Variants in DPEP2 observed in about 807,000 individuals in gnomAD.
DPEP2 encodes the protein dipeptidase 2.
Under a neutral mutation model 51.8 loss-of-function variants are expected in DPEP2, and 45 were observed. The observed-to-expected ratio is 0.87, with a 90% confidence interval of 0.68 to 1.11. DPEP2 has a LOEUF of 1.11. DPEP2 is among the 50% of genes most tolerant of loss of function. The pLI, the probability that DPEP2 is intolerant of heterozygous loss-of-function variation, is 0.00. For missense variants in DPEP2, 604 were observed against 631.9 expected, an observed-to-expected ratio of 0.96 and a Z score of 0.47; for synonymous variants, 255 against 262.7, an observed-to-expected ratio of 0.97 and a Z score of 0.28.
intron 8 of DPEP2, among the ~76,000 whole-genome samples, chr16:67,989,718 G>A (rs2031883306): frequency 6.6e-6 from 1 of 152,190 alleles, no homozygotes; most frequent in African/African-American, 2.4e-5. Flanking sequence ...GGGAGATGAC[G>A]GAGGGACAAA....
At chr16:67,992,785 A>G in intron 2 of DPEP2, 149 bp from the exon 3 acceptor site, 1 of 1,484,880 alleles carries the variant, frequency 6.7e-7, no homozygotes, top group South Asian at 1.3e-5. Context: ...AGGAGTGCCC[A>G]CCCAAGAGGG....
At position 67,992,448 on chromosome 16, in the gene DPEP2, C is replaced by T. The variant is rs1185509034; in HGVS notation, c.390+62G>A. The T allele has an allele frequency of 8.3e-6, 13 of 1,561,334 alleles. No homozygotes were observed. In the Admixed American group the frequency reaches 1.5e-4, roughly 18 times the overall value. ...GTGACTAACTTGTGATCTCTGGGGTCCCCACTCTCCCCATCATCCCCCAGC... is the reference window on the plus strand; with the variant it reads ...GTGACTAACTTGTGATCTCTGGGGTTCCCACTCTCCCCATCATCCCCCAGC... On this transcript the variant is annotated intron_variant, in intron 3 of 10. Transcript: ENST00000393847.
upstream of DPEP2, among the ~76,000 whole-genome samples, chr16:68,000,294 G>C (rs1297550019): frequency 3.9e-5 from 6 of 152,152 alleles, no homozygotes; most frequent in Admixed American, 2.0e-4. Context: ...TTGCTCCAAG[G>C]ACCAAACTTA....
chr16:67,989,962 T>C, intron 8 of DPEP2, 85 bp downstream of exon 8: 1 of 1,436,872 alleles, frequency 7.0e-7, no homozygotes, highest in Non-Finnish European at 9.7e-7. Flanking sequence ...TTTTTTTCAG[T>C]GAAACCACTG....
chr16:68,000,450 A>G (rs748346233), upstream of DPEP2: 178 of 985,226 alleles, frequency 1.8e-4, no homozygotes, highest in Non-Finnish European at 2.1e-4. Flanking sequence ...GGGCTTACTC[A>G]GTATCCAGCA....
At position 67,993,132 on chromosome 16, in the gene DPEP2, G is replaced by GAGC; in HGVS notation, c.78_80dup (p.Leu27dup). 1.3e-6 allele frequency: 2 copies of GAGC among 1,546,238 alleles called. No individual in the cohort carries two copies. The highest frequency in any genetic ancestry group is 1.7e-6 in the Non-Finnish European group (2 of 1,144,226). ...TGGTGTAGGCACAGGTTACAGGCTG[G>GAGC]AGCAGCAGCAGCAGGAGCAGCAGAC... On this transcript the variant is annotated inframe_insertion, in exon 2 of 11. Transcript: ENST00000393847.
At chr16:67,989,649 G>T (rs2031872774) in intron 8 of DPEP2, among the ~76,000 whole-genome samples, 1 of 152,208 alleles carries the variant, frequency 6.6e-6, no homozygotes, top group African/African-American at 2.4e-5. Flanking sequence ...TTCCCACCTA[G>T]GATTAAACCT....
At chr16:67,995,981 C>T (rs890077592) in intron 1 of DPEP2, among the ~76,000 whole-genome samples, 1 of 151,826 alleles carries the variant, frequency 6.6e-6, no homozygotes, top group Non-Finnish European at 1.5e-5. Context: ...CAAACAACAA[C>T]AACAACAACA....
chr16:67,991,063 C>T lies in DPEP2; in HGVS notation c.732+52G>A. The stretch of plus-strand genomic sequence containing the variant: ...TGTGTATACATTTATTTGTAAGAAA[C>T]AGCTGGGGTGTGCACATTTGTTTGG... On this transcript the variant is annotated intron_variant, in intron 6 of 10. Coordinates refer to ENST00000393847, the MANE Select transcript of DPEP2 (RefSeq NM_022355.4). The surrounding 1 kb of genome is among the most constrained non-coding windows in gnomAD (Gnocchi z 5.1). 1 of 1,614,094 alleles carries T rather than the reference C, an allele frequency of 6.2e-7. No individual in the cohort carries two copies. The highest frequency in any genetic ancestry group is 8.5e-7 in the Non-Finnish European group (1 of 1,179,918).
In DPEP2 at chr16:67,992,175, G is replaced by A; in HGVS notation, c.409C>T (p.Pro137Ser). The A allele has an allele frequency of 1.2e-6, 2 of 1,614,128 alleles. No homozygotes were observed. Among genetic ancestry groups the A allele is most frequent in the Non-Finnish European group, 8.5e-7 (1 of 1,180,010 alleles). Residue 137 changes from proline to serine, a missense_variant, in exon 4 of 11, where the codon CCA (proline) becomes TCA (serine). Physicochemically the swap from Pro to Ser is moderately conservative, Grantham distance 74 (BLOSUM62 -1). Transcript: ENST00000393847. ...GCATCCCGGTCCTGGGTCTGGCATG[G>A]CACATAGGCTGACCAGAACTGGGGG... Reference protein sequence around the residue: ...VGAQFWSAYVPCQTQDRDALR... With the variant: ...VGAQFWSAYVSCQTQDRDALR...
intron 9 of DPEP2, among the ~76,000 whole-genome samples, chr16:67,988,430 A>AG (rs528835828): frequency 6.6e-5 from 10 of 151,622 alleles, no homozygotes; most frequent in Non-Finnish European, 1.5e-5. Flanking sequence ...AAGGAAAGAA[A>AG]GAAAGAAAGA....
intron 9 of DPEP2, among the ~76,000 whole-genome samples, chr16:67,988,800 C>T (rs2031751848): frequency 6.6e-6 from 1 of 151,896 alleles, no homozygotes; most frequent in African/African-American, 2.4e-5. Flanking sequence ...GTAGCCCCAG[C>T]TACTTGCAGG....
At chr16:67,996,079 C>T (rs766939246) in intron 1 of DPEP2, among the ~76,000 whole-genome samples, 3 of 152,090 alleles carry the variant, frequency 2.0e-5, no homozygotes, top group Non-Finnish European at 2.9e-5. Flanking sequence ...TGCTCTGTCA[C>T]CCAGGCTGGA....
chr16:67,990,243 GC>G, intron 7 of DPEP2, 112 bp from the exon 8 acceptor site: 1 of 965,320 alleles, frequency 1.0e-6, no homozygotes, highest in Non-Finnish European at 1.6e-6. Context: ...TCAGGAGTCA[GC>G]AGAAACTTCA....
At chr16:67,989,302 A>C in intron 9 of DPEP2, 21 bp downstream of exon 9, 1 of 1,614,058 alleles carries the variant, frequency 6.2e-7, no homozygotes, top group Non-Finnish European at 8.5e-7. Flanking sequence ...GCCCAAGACA[A>C]GCCACAGGGA....
rs999348437 is a variant in DPEP2, at chr16:67,992,251, G to A, written c.391-58C>T. 2.5e-6 allele frequency: 4 copies of A among 1,583,060 alleles called. No individual in the cohort carries two copies. The African/African-American group carries it at 5.4e-5, about 21-fold the overall frequency. ...GGGCTGCTTTGGAGGACCCTGGACT[G>A]CTCACAGCCTCCACAGCTGACAGAG... On this transcript the variant is annotated intron_variant, in intron 3 of 10. Coordinates refer to ENST00000393847, the MANE Select transcript of DPEP2 (RefSeq NM_022355.4).
At chr16:67,993,624 G>C in intron 1 of DPEP2, 2 of 992,642 alleles carry the variant, frequency 2.0e-6, no homozygotes, top group Non-Finnish European at 2.4e-6. Context: ...CCCCCAAACA[G>C]TGGCCCTCTG....
chr16:67,993,612 T>C, intron 1 of DPEP2: 1 of 995,172 alleles, frequency 1.0e-6, no homozygotes, highest in Non-Finnish European at 1.2e-6. Context: ...CCTGGGGTGC[T>C]TCCCCCAAAC....
At chr16:67,996,276 A>T (rs2032691070) in intron 1 of DPEP2, among the ~76,000 whole-genome samples, 1 of 151,862 alleles carries the variant, frequency 6.6e-6, no homozygotes, top group Non-Finnish European at 1.5e-5. Flanking sequence ...GTCAGTTTGA[A>T]AAATGTAAAA....
Sources: allele counts gnomAD v4.1 joint callset (sites outside exome capture counted in the v4.1 genomes callset), GRCh38; gene constraint gnomAD v4.1.1; non-coding constraint Gnocchi (gnomAD v3.1); transcripts MANE v1.5; gene names NCBI Gene and HGNC (gene_info 2026-07-23, HGNC 2026-07-21).